FHAD1: variants seen among roughly 807,000 people sequenced by gnomAD.
FHAD1 encodes the protein forkhead-associated domain-containing protein 1.
FHAD1 carries 146 observed loss-of-function variants against 191.3 expected under a neutral mutation model. The observed-to-expected ratio is 0.76, with a 90% CI of 0.67 to 0.88. FHAD1 has a LOEUF of 0.88. Among genes scored for constraint, FHAD1 ranks in the 40% least tolerant of loss-of-function variants. The pLI is 0.00. For missense variants in FHAD1, 1,635 were observed against 1,785.8 expected (o/e 0.92, Z 1.52); for synonymous variants, 616 against 672.3 (o/e 0.92, Z 1.29).
At chr1:15,369,745 A>G (rs1697557437) in intron 26 of FHAD1, among the ~76,000 whole-genome samples, 1 of 152,178 alleles carries the variant, frequency 6.6e-6, no homozygotes, top group Non-Finnish European at 1.5e-5. Context: ...ACGTTCTCAC[A>G]TGGTCAAGAA....
Position 15,349,112 on chromosome 1 carries a change from T to G in FHAD1, c.2417T>G (p.Val806Gly), listed in dbSNP as rs1689934525. Reference protein sequence around the residue: ...KEALESEKRKVQDLENHLTQQ... With the variant: ...KEALESEKRKGQDLENHLTQQ... ...GCCTTGGAGTCGGAAAAGAGAAAAG[T>G]TCAGGATCTGGAGAACCATTTAACC... is the stretch of plus-strand genomic sequence containing the variant. The change falls in exon 19 of 34, where the codon GTT (valine) becomes GGT (glycine). Residue 806 changes from valine (V) to glycine (G), a missense_variant. Val to Gly is a moderately radical substitution (Grantham distance 109). Transcript: ENST00000688493. The G allele has an allele frequency of 6.4e-7, 1 of 1,551,360 alleles. No homozygotes were observed. The highest frequency in any genetic ancestry group is 8.7e-7 in the Non-Finnish European group (1 of 1,146,942).
chr1:15,381,429 G>A lies in FHAD1; in HGVS notation c.4000G>A (p.Glu1334Lys), dbSNP rs1389213861. The change falls in exon 30 of 34, where the codon GAA becomes AAA. Residue 1334 changes from glutamate to lysine, a missense_variant. Glu to Lys is a moderately conservative substitution (Grantham distance 56, BLOSUM62 1). Coordinates refer to ENST00000688493, the MANE Select transcript of FHAD1 (RefSeq NM_001391957.1). This position sits in a 1 kb window ranked among gnomAD's most constrained non-coding sequence, Gnocchi z 4.6. Reference protein sequence around the residue: ...GRKEELLRGYEKDVEQLRRSK... With the variant: ...GRKEELLRGYKKDVEQLRRSK... ...GAAAGAGGAGCTGTTGAGAGGATAT[G>A]AAAAGGACGTTGAACAGCTCAGGTA... 1 of 1,551,536 alleles carries A rather than the reference G, an allele frequency of 6.4e-7. No individual in the cohort carries two copies. Among genetic ancestry groups the A allele is most frequent in the Non-Finnish European group, 8.7e-7 (1 of 1,146,982 alleles).
At position 15,381,503 on chromosome 1, in the gene FHAD1, T is replaced by G; in HGVS notation, c.4022+52T>G. 1.4e-6 allele frequency: 2 copies of G among 1,400,260 alleles called. No homozygotes were observed. The highest frequency in any genetic ancestry group is 2.0e-6 in the Non-Finnish European group (2 of 1,013,212). 86.7% of individuals were successfully genotyped at this position (1,400,260 alleles called of 1,614,324 possible). On this transcript the variant is annotated intron_variant, in intron 30 of 33. Transcript: ENST00000688493. This position sits in a 1 kb window ranked among gnomAD's most constrained non-coding sequence, Gnocchi z 4.6. ...AGAAAGGCCCGGGCCTCCCTTCTCC[T>G]GGCTAAACTCAGGCTAGCAGCAGAC...
chr1:15,255,954 G>C (rs956307841), intron 2 of FHAD1, among the ~76,000 whole-genome samples: 7 of 145,698 alleles, frequency 4.8e-5, no homozygotes, highest in Non-Finnish European at 1.1e-4. Flanking sequence ...AGGCCTGCCT[G>C]TTGAAATGGG....
intron 10 of FHAD1, among the ~76,000 whole-genome samples, chr1:15,323,842 C>G (rs931873274): frequency 1.3e-5 from 2 of 152,222 alleles, no homozygotes; most frequent in Non-Finnish European, 2.9e-5. Flanking sequence ...CAATTCTTTA[C>G]TAGCCATTGC....
At chr1:15,249,279 G>C (rs1030054327) in intron 1 of FHAD1, among the ~76,000 whole-genome samples, 1 of 139,534 alleles carries the variant, frequency 7.2e-6, no homozygotes, top group Non-Finnish European at 1.6e-5. Flanking sequence ...GGAAACATCG[G>C]GGGGAAGAGC....
At chr1:15,321,621 A>T (rs1057423595) in intron 10 of FHAD1, among the ~76,000 whole-genome samples, 1 of 152,226 alleles carries the variant, frequency 6.6e-6, no homozygotes, top group Non-Finnish European at 1.5e-5. Context: ...CATTACTATT[A>T]TGTGTTTTCT....
rs551713661 is a variant in FHAD1, at chr1:15,238,119, C to T, written c.-15+1358C>T. Among the ~76,000 whole-genome samples, 25 of 151,876 alleles carry T rather than the reference C, an allele frequency of 1.6e-4. No homozygotes were observed. The East Asian group carries it at 4.8e-3, about 29-fold the overall frequency. On this transcript the variant is annotated intron_variant, in intron 1 of 33. Transcript: ENST00000683790. ...AAAATTAGACAGGCATGGTGGCGCA[C>T]ACCTGTAACCCCAGCTACTCAGGAG...
intron 31 of FHAD1, among the ~76,000 whole-genome samples, chr1:15,386,268 C>A (rs1047259769): frequency 6.6e-6 from 1 of 152,226 alleles, no homozygotes; most frequent in Admixed American, 6.5e-5. Context: ...CACTCGGGGG[C>A]GGGGGCAGTG....
Position 15,317,884 on chromosome 1 carries a change from A to G in FHAD1, c.1321A>G (p.Thr441Ala). ...KLRAELRKSCTEQSVISRTLR... is the reference protein window; with the variant it reads ...KLRAELRKSCAEQSVISRTLR... ...TAGGGCAGAGCTGAGGAAGAGTTGT[A>G]CTGAACAAAGCGTGATCTCTAGGAC... The change falls in exon 10 of 34, where the codon ACT (threonine) becomes GCT (alanine). Residue 441 changes from threonine (T) to alanine (A), a missense_variant. Coordinates refer to ENST00000688493, the MANE Select transcript of FHAD1 (RefSeq NM_001391957.1). 1 of 1,551,772 alleles carries G rather than the reference A, an allele frequency of 6.4e-7. No individual in the cohort carries two copies. Among genetic ancestry groups the G allele is most frequent in the Non-Finnish European group, 8.7e-7 (1 of 1,146,982 alleles).
In FHAD1 at chr1:15,272,608, C is replaced by T. The variant is rs374554789; in HGVS notation, c.300+79C>T. 1.2e-3 allele frequency: 1,618 copies of T among 1,300,976 alleles called. 31 individuals are homozygous for T. In the South Asian group the frequency reaches 0.021, roughly 17 times the overall value. The allele number at this position is 1,300,976 out of a possible 1,614,324, so 80.6% of individuals were successfully genotyped here. ...GCGCTCGGATGCAGCTGCAGGGTGG[C>T]GCTTATCCACATTGGTGCCACTGTG... On this transcript the variant is annotated intron_variant, in intron 3 of 33. Transcript: ENST00000688493.
chr1:15,334,934 A>C (rs568783647), intron 14 of FHAD1, among the ~76,000 whole-genome samples: 311 of 152,254 alleles, frequency 2.0e-3, no homozygotes, highest in Non-Finnish European at 3.8e-3. Context: ...CCGGCTGCCA[A>C]GTGGCCAAGC....
At chr1:15,394,182 C>T (rs1705159917) in intron 33 of FHAD1, among the ~76,000 whole-genome samples, 1 of 152,214 alleles carries the variant, frequency 6.6e-6, no homozygotes, top group Non-Finnish European at 1.5e-5. Context: ...TCTGCTGCCC[C>T]ATCCTTTGTC....
intron 2 of FHAD1, among the ~76,000 whole-genome samples, chr1:15,268,250 GT>G (rs1459114547): frequency 2.0e-5 from 3 of 149,398 alleles, no homozygotes; most frequent in Non-Finnish European, 4.4e-5. Context: ...ACGGTGTTTG[GT>G]TTTTTGTTCT....
chr1:15,330,842 A>C (rs910169789), intron 14 of FHAD1, among the ~76,000 whole-genome samples: 9 of 152,164 alleles, frequency 5.9e-5, no homozygotes, highest in Admixed American at 5.9e-4. Context: ...GCCTTAAGTA[A>C]GGAGCTGGAC....
intron 31 of FHAD1, chr1:15,383,762 A>G (rs573022098): frequency 1.2e-4 from 40 of 330,702 alleles, no homozygotes; most frequent in Non-Finnish European, 2.3e-4. Flanking sequence ...GGGCTTATTA[A>G]TGCCTCTAAT....
chr1:15,264,578 G>GTGTGT (rs1553230111), intron 2 of FHAD1, among the ~76,000 whole-genome samples: 1 of 149,848 alleles, frequency 6.7e-6, no homozygotes, highest in Admixed American at 6.6e-5. Context: ...GTGTGTGTGT[G>GTGTGT]ATCTTTAGGG....
At chr1:15,253,130 A>G (rs1490264573) in intron 2 of FHAD1, among the ~76,000 whole-genome samples, 1 of 151,078 alleles carries the variant, frequency 6.6e-6, no homozygotes, top group Admixed American at 6.6e-5. Context: ...TATCAAAACC[A>G]GGAAATTGAC....
At chr1:15,314,745 A>G (rs1354269146) in intron 8 of FHAD1, 2 of 21,990 alleles carry the variant, frequency 9.1e-5, no homozygotes, top group Non-Finnish European at 8.8e-5. Context: ...TGTGTGTGTG[A>G]GTGTGGTGTG....
Sources: gnomAD v4.1 joint callset for allele counts (sites outside exome capture counted in the v4.1 genomes callset) on GRCh38, gnomAD v4.1.1 for gene constraint, Gnocchi (gnomAD v3.1) non-coding constraint, MANE v1.5 for transcripts, NCBI Gene and HGNC (gene_info 2026-07-23, HGNC 2026-07-21) for gene names.